L3MBTL2: variants seen among roughly 807,000 people sequenced by gnomAD.
L3MBTL2 encodes lethal(3)malignant brain tumor-like protein 2.
L3MBTL2 carries 49 observed loss-of-function variants against 86.4 expected under a neutral mutation model. The observed-to-expected ratio is 0.57, with a 90% CI of 0.45 to 0.72. The LOEUF is 0.72. L3MBTL2 is among the 30% of genes least tolerant of loss of function. The probability of loss-of-function intolerance (pLI) is 0.00; values close to 1 mark genes in which losing one functional copy is unlikely to be tolerated. For missense variants in L3MBTL2, 755 were observed against 923.7 expected (o/e 0.82, Z 2.37); for synonymous variants, 336 against 350.6 (o/e 0.96, Z 0.47).
intron 5 of L3MBTL2, 77 bp from the exon 6 acceptor site, chr22:41,219,342 C>A: frequency 9.3e-7 from 1 of 1,070,542 alleles, no homozygotes; most frequent in Non-Finnish European, 1.5e-6. Context: ...GAGGACTTGA[C>A]TGAGGCCGTG....
Position 41,226,684 on chromosome 22 carries a change from C to A in L3MBTL2, c.1527C>A (p.Asn509Lys). 1.2e-6 allele frequency: 2 copies of A among 1,613,912 alleles called. No individual in the cohort carries two copies. The highest frequency in any genetic ancestry group is 1.7e-6 in the Non-Finnish European group (2 of 1,179,780). Residue 509 changes from asparagine to lysine, a missense_variant, in exon 13 of 17, where the codon AAC (asparagine) becomes AAA (lysine). Asn to Lys is a moderately conservative substitution (Grantham distance 94, BLOSUM62 0). This residue lies in a region of L3MBTL2 where 634 missense variants were observed against 748.9 expected (regional missense o/e 0.85). Transcript: ENST00000216237. ...CAGGTTATGAGGCACAGACTTTCAA[C>A]TGGGAGAACTACTTGGAGAAGACCA... The part of the protein sequence containing the change: ...PPKGYEAQTF[N>K]WENYLEKTKS...
intron 1 of L3MBTL2, chr22:41,209,437 A>G (rs2030532975): frequency 2.4e-6 from 1 of 418,316 alleles, no homozygotes; most frequent in South Asian, 2.3e-5. Flanking sequence ...TATTTGAACC[A>G]TGTTAAAATA....
At chr22:41,228,972 CGG>C (rs900305760) in intron 15 of L3MBTL2, among the ~76,000 whole-genome samples, 12 of 151,966 alleles carry the variant, frequency 7.9e-5, no homozygotes, top group Non-Finnish European at 1.8e-4. Context: ...CAATCAAAAA[CGG>C]GGGCTGAGTG....
chr22:41,213,184 T>A (rs569658758), intron 2 of L3MBTL2, among the ~76,000 whole-genome samples: 1 of 152,294 alleles, frequency 6.6e-6, no homozygotes, highest in South Asian at 2.1e-4. Context: ...GCCAGTGTAC[T>A]ACTCCAGGCT....
intron 2 of L3MBTL2, 39 bp downstream of exon 2, chr22:41,209,972 G>C (rs774535295): frequency 1.2e-6 from 2 of 1,602,430 alleles, no homozygotes; most frequent in South Asian, 2.2e-5. Flanking sequence ...AGAGGAGATA[G>C]AAGATTATAG....
chr22:41,211,131 G>A (rs2145571059), intron 2 of L3MBTL2, among the ~76,000 whole-genome samples: 2 of 152,314 alleles, frequency 1.3e-5, no homozygotes, highest in South Asian at 4.1e-4. Context: ...GGCCTCCCAT[G>A]TGTGGGCTGC....
chr22:41,226,681 C>A lies in L3MBTL2; in HGVS notation c.1524C>A (p.Phe508Leu), dbSNP rs149593036. ...CTCCAGGTTATGAGGCACAGACTTT[C>A]AACTGGGAGAACTACTTGGAGAAGA... is the stretch of plus-strand genomic sequence containing the variant. ...TPPKGYEAQT[F>L]NWENYLEKTK... Residue 508 changes from phenylalanine (F) to leucine (L), a missense_variant, in exon 13 of 17, where the codon TTC becomes TTA. This residue lies in a region of L3MBTL2 where 634 missense variants were observed against 748.9 expected (regional missense o/e 0.85). Coordinates refer to ENST00000216237, the MANE Select transcript of L3MBTL2 (RefSeq NM_031488.5). 1 of 1,613,666 alleles carries A rather than the reference C, an allele frequency of 6.2e-7. No individual in the cohort carries two copies. The highest frequency in any genetic ancestry group is 8.5e-7 in the Non-Finnish European group (1 of 1,179,706).
intron 4 of L3MBTL2, 130 bp downstream of exon 4, chr22:41,216,392 T>C (rs1378824222): frequency 1.8e-6 from 2 of 1,089,850 alleles, no homozygotes; most frequent in Non-Finnish European, 2.6e-6. Context: ...TCAGGGTCAC[T>C]GCGGATTGCA....
chr22:41,223,982 C>G, intron 8 of L3MBTL2, 38 bp from the exon 9 acceptor site: 1 of 1,551,268 alleles, frequency 6.4e-7, no homozygotes, highest in Non-Finnish European at 8.9e-7. Context: ...GGGAAGAGCC[C>G]TGAGCCATAG....
At chr22:41,226,825 C>A (rs1414328921) in intron 13 of L3MBTL2, 81 bp downstream of exon 13, 1 of 1,053,962 alleles carries the variant, frequency 9.5e-7, no homozygotes, top group Non-Finnish European at 1.4e-6. Flanking sequence ...GTGGCAGTTC[C>A]TACTCTTTCT....
At chr22:41,223,916 T>TG (rs2032004854) in intron 8 of L3MBTL2, 104 bp from the exon 9 acceptor site, 1 of 880,198 alleles carries the variant, frequency 1.1e-6, no homozygotes, top group Non-Finnish European at 1.8e-6. Flanking sequence ...TGACTGAGTG[T>TG]GGGGGATAAC....
In L3MBTL2 at chr22:41,206,093, C is replaced by T. The variant is rs181301346; in HGVS notation, c.24+707C>T. ...CTCCGTCTCCCGGGTTCAAGCAATTCTGTCTCCATCTCCCATGTTCCTGGG... is the reference window on the plus strand; with the variant it reads ...CTCCGTCTCCCGGGTTCAAGCAATTTTGTCTCCATCTCCCATGTTCCTGGG... On this transcript the variant is annotated intron_variant, in intron 1 of 16. Coordinates refer to ENST00000216237, the MANE Select transcript of L3MBTL2 (RefSeq NM_031488.5). 636 of 152,134 alleles carry T rather than the reference C, an allele frequency of 4.2e-3. 4 individuals are homozygous for T. Among genetic ancestry groups the T allele is most frequent in the Non-Finnish European group, 7.1e-3 (483 of 68,238 alleles). 9.4% of individuals were successfully genotyped at this position (152,134 alleles called of 1,614,324 possible).
intron 5 of L3MBTL2, 32 bp from the exon 6 acceptor site, chr22:41,219,387 C>G: frequency 6.6e-7 from 1 of 1,518,580 alleles, no homozygotes; most frequent in Non-Finnish European, 9.1e-7. Context: ...ACAGTTAGCT[C>G]ACTCTCTCGG....
chr22:41,216,419 G>C (rs1348430485), intron 4 of L3MBTL2, among the ~76,000 whole-genome samples, 157 bp downstream of exon 4: 1 of 152,098 alleles, frequency 6.6e-6, no homozygotes, highest in Non-Finnish European at 1.5e-5. Context: ...TCACCTGTTG[G>C]GTATTGTGGA....
intron 8 of L3MBTL2, among the ~76,000 whole-genome samples, chr22:41,223,745 A>T (rs1012494714): frequency 6.6e-6 from 1 of 152,182 alleles, no homozygotes; most frequent in African/African-American, 2.4e-5. Flanking sequence ...GCATCAACTC[A>T]TTGGCGTTTT....
chr22:41,210,059 G>T, intron 2 of L3MBTL2, 126 bp downstream of exon 2: 1 of 1,329,188 alleles, frequency 7.5e-7, no homozygotes. Flanking sequence ...GATTTCTAAG[G>T]GATCAGATGT....
intron 5 of L3MBTL2, chr22:41,217,564 TG>T: frequency 4.4e-6 from 1 of 228,210 alleles, no homozygotes; most frequent in South Asian, 5.4e-5. Context: ...CTGGGCCCCG[TG>T]GGCCCCGAGA....
At position 41,230,422 on chromosome 22, in the gene L3MBTL2, C is replaced by T. The variant is rs1356330095; in HGVS notation, c.*171C>T. 1.2e-5 allele frequency: 7 copies of T among 602,438 alleles called. No individual in the cohort carries two copies. Among genetic ancestry groups the T allele is most frequent in the South Asian group, 4.0e-5 (2 of 50,386 alleles). The allele number at this position is 602,438 out of a possible 1,614,324, so 37.3% of individuals were successfully genotyped here. A position where few individuals can be genotyped will look rare whatever the true frequency, so the allele number is the denominator to read the frequency against. ...GGACCTGCTGGGGTCTCCTGGGACC[C>T]GCCTGTTGCTTCTGCCCTCCCCTGT... On this transcript the variant is annotated 3_prime_UTR_variant, in exon 17 of 17. Coordinates refer to ENST00000216237, the MANE Select transcript of L3MBTL2 (RefSeq NM_031488.5).
rs2032250137 is a variant in L3MBTL2, at chr22:41,227,263, A to G, written c.1762A>G (p.Ile588Val). The change falls in exon 14 of 17, where the codon ATC becomes GTC. Residue 588 changes from isoleucine (I) to valine (V), a missense_variant. Physicochemically the swap from Ile to Val is conservative, Grantham distance 29. This residue lies in a region of L3MBTL2 where 634 missense variants were observed against 748.9 expected (regional missense o/e 0.85). Coordinates refer to ENST00000216237, the MANE Select transcript of L3MBTL2 (RefSeq NM_031488.5). The surrounding 1 kb of genome is among the most constrained non-coding windows in gnomAD (Gnocchi z 6.0). ...GTGGGTGGACTGCGAGTCCCCAGAC[A>G]TCTACCCCGTCGGCTGGTGTGAGCT... Reference protein sequence around the residue: ...DQWVDCESPDIYPVGWCELTG... With the variant: ...DQWVDCESPDVYPVGWCELTG... 1.2e-6 allele frequency: 2 copies of G among 1,612,854 alleles called. No homozygotes were observed. Among genetic ancestry groups the G allele is most frequent in the Non-Finnish European group, 8.5e-7 (1 of 1,179,816 alleles).
Sources: gnomAD v4.1 joint callset for allele counts (sites outside exome capture counted in the v4.1 genomes callset) on GRCh38, gnomAD v4.1.1 for gene constraint, gnomAD v4.1.1 regional missense constraint, Gnocchi (gnomAD v3.1) non-coding constraint, MANE v1.5 for transcripts, NCBI Gene and HGNC (gene_info 2026-07-23, HGNC 2026-07-21) for gene names.